The following GRAMD2B variants were observed in gnomAD, a reference collection of about 807,000 sequenced individuals.
GRAMD2B encodes the protein GRAM domain-containing protein 2B.
GRAMD2B carries 41 observed loss-of-function variants against 59.2 expected under a neutral mutation model. The observed-to-expected ratio is 0.69, with a 90% CI of 0.54 to 0.90. The LOEUF (loss-of-function observed/expected upper bound fraction) is 0.90. Among genes scored for constraint, GRAMD2B ranks in the 40% least tolerant of loss-of-function variants. The pLI is 0.00. For synonymous variants in GRAMD2B, 161 were observed against 182.7 expected, an observed-to-expected ratio of 0.88 and a Z score of 0.96; for missense variants, 424 against 500.5, an observed-to-expected ratio of 0.85 and a Z score of 1.46.
chr5:126,463,840 AAAACCC>A (rs1207524814), intron 1 of GRAMD2B, among the ~76,000 whole-genome samples: 3 of 152,018 alleles, frequency 2.0e-5, no homozygotes, highest in Admixed American at 6.6e-5. Flanking sequence ...CCAACATGGC[AAAACCC>A]CGTCTCTACT....
upstream of GRAMD2B, among the ~76,000 whole-genome samples, chr5:126,369,427 C>T (rs565269090): frequency 8.6e-5 from 13 of 151,864 alleles, no homozygotes; most frequent in South Asian, 2.1e-3. Context: ...ATGTTATATA[C>T]GAAATTATCT....
chr5:126,465,525 G>C lies in GRAMD2B; in HGVS notation c.183G>C (p.Gln61His). The change falls in exon 2 of 14, where the codon CAG (glutamine) becomes CAC (histidine). Residue 61 changes from glutamine (Q) to histidine (H), a missense_variant. Coordinates refer to ENST00000285689, the MANE Select transcript of GRAMD2B (RefSeq NM_023927.4). ...CTGTGGAGGCGGACTCCCCAGACCA[G>C]AAGAAAATCATTAGCCTATGGTAAG... ...TPSVEADSPD[Q>H]KKIISLWSKS... The C allele has an allele frequency of 6.2e-7, 1 of 1,613,618 alleles. No individual in the cohort carries two copies. Among genetic ancestry groups the C allele is most frequent in the Non-Finnish European group, 8.5e-7 (1 of 1,179,892 alleles).
At chr5:126,439,969 C>T (rs1218091891) in intron 1 of GRAMD2B, among the ~76,000 whole-genome samples, 5 of 152,082 alleles carry the variant, frequency 3.3e-5, no homozygotes, top group East Asian at 1.9e-4. Flanking sequence ...CACCTTCCAC[C>T]GTGATTGTGA....
At chr5:126,421,000 A>G (rs1759672010), upstream of GRAMD2B, among the ~76,000 whole-genome samples, 1 of 152,236 alleles carries the variant, frequency 6.6e-6, no homozygotes, top group African/African-American at 2.4e-5. Context: ...AAAATATTGT[A>G]TGATTCCACT....
intron 1 of GRAMD2B, among the ~76,000 whole-genome samples, chr5:126,375,057 C>T (rs1406538386): frequency 1.3e-5 from 2 of 152,094 alleles, no homozygotes; most frequent in African/African-American, 4.8e-5. Flanking sequence ...TATAGCTTTC[C>T]ATTTATTTAG....
intron 1 of GRAMD2B, among the ~76,000 whole-genome samples, chr5:126,374,025 G>A (rs1036488190): frequency 6.6e-6 from 1 of 152,218 alleles, no homozygotes; most frequent in Non-Finnish European, 1.5e-5. Flanking sequence ...TTGATTTCCA[G>A]TTGTCTGAGC....
chr5:126,483,631 C>G (rs1772298656), intron 9 of GRAMD2B, 57 bp downstream of exon 9: 1 of 820,108 alleles, frequency 1.2e-6, no homozygotes, highest in African/African-American at 1.8e-5. Flanking sequence ...ACATCCTCAC[C>G]CCACCCCCTT....
upstream of GRAMD2B, among the ~76,000 whole-genome samples, chr5:126,368,717 T>G (rs1054654484): frequency 6.6e-6 from 1 of 152,236 alleles, no homozygotes; most frequent in African/African-American, 2.4e-5. Context: ...TTGTGACCCC[T>G]GCTCTAGACT....
intron 1 of GRAMD2B, among the ~76,000 whole-genome samples, chr5:126,393,057 A>G (rs1756983858): frequency 6.6e-6 from 1 of 152,220 alleles, no homozygotes; most frequent in Non-Finnish European, 1.5e-5. Context: ...ACGCAAGAAA[A>G]TGGTTTAAGG....
intron 1 of GRAMD2B, among the ~76,000 whole-genome samples, chr5:126,450,268 T>C (rs1398079815): frequency 6.6e-6 from 1 of 152,138 alleles, no homozygotes; most frequent in Admixed American, 6.5e-5. Flanking sequence ...TTCTCTCTTC[T>C]AAGTCGGCTT....
In GRAMD2B at chr5:126,488,885, T is replaced by C. The variant is rs775510332; in HGVS notation, c.1250T>C (p.Leu417Ser). 6.2e-7 allele frequency: 1 copy of C among 1,612,468 alleles called. No individual in the cohort carries two copies. The highest frequency in any genetic ancestry group is 1.1e-5 in the South Asian group (1 of 91,036). The stretch of plus-strand genomic sequence containing the variant: ...GAGCTTACAGCTAACATAGTGAAAT[T>C]AGAAAAGGTGACCTATTTCTTTCCT... ...CQELTANIVK[L>S]EKIQNNLQKL... The change falls in exon 13 of 14, where the codon TTA becomes TCA. Residue 417 changes from leucine (L) to serine (S), a missense_variant. Transcript: ENST00000285689.
chr5:126,485,169 C>T (rs938840100), intron 10 of GRAMD2B, among the ~76,000 whole-genome samples: 2 of 151,928 alleles, frequency 1.3e-5, no homozygotes, highest in African/African-American at 2.4e-5. Context: ...GCCTGGGCAA[C>T]ATAGTGAGAC....
chr5:126,407,404 A>G (rs958054247), intron 1 of GRAMD2B, among the ~76,000 whole-genome samples: 3 of 152,042 alleles, frequency 2.0e-5, no homozygotes, highest in African/African-American at 7.2e-5. Flanking sequence ...GTAAGCCTCT[A>G]TTCCACCAGG....
intron 6 of GRAMD2B, among the ~76,000 whole-genome samples, chr5:126,478,552 G>A (rs1322678493): frequency 1.3e-5 from 2 of 152,114 alleles, no homozygotes; most frequent in Non-Finnish European, 2.9e-5. Context: ...ACTAACCTGC[G>A]CAACATGGTG....
rs1769176592 is a variant in GRAMD2B at position 126,469,673 on chromosome 5, T to G, written c.204-4T>G. On this transcript the variant is annotated splice_polypyrimidine_tract_variant and splice_region_variant and intron_variant, in intron 2 of 13. Transcript: ENST00000285689. ...TATAGACACCCTGGACTTTCTTTCT[T>G]TAGGTCAAAATCCAGTTTTGATGGT... The G allele has an allele frequency of 6.2e-7, 1 of 1,601,910 alleles. No homozygotes were observed. The highest frequency in any genetic ancestry group is 1.7e-5 in the Admixed American group (1 of 59,378).
intron 1 of GRAMD2B, among the ~76,000 whole-genome samples, chr5:126,437,259 G>C (rs1276100384): frequency 6.6e-6 from 1 of 152,160 alleles, no homozygotes; most frequent in African/African-American, 2.4e-5. Flanking sequence ...GGAGAGGGGA[G>C]AATGAGTTTG....
chr5:126,380,932 A>T (rs1755605397), intron 1 of GRAMD2B, among the ~76,000 whole-genome samples: 1 of 152,218 alleles, frequency 6.6e-6, no homozygotes, highest in East Asian at 1.9e-4. Flanking sequence ...GACTTTCAAT[A>T]CTATGTTGAA....
chr5:126,408,500 G>GT (rs145820337), intron 1 of GRAMD2B, among the ~76,000 whole-genome samples: 4,470 of 146,600 alleles, frequency 0.03, 96 homozygotes, highest in Admixed American at 0.059. Flanking sequence ...TGGTAGTTCT[G>GT]TTTTTTTTTT....
intron 1 of GRAMD2B, among the ~76,000 whole-genome samples, chr5:126,398,915 C>T (rs1189258267): frequency 6.6e-6 from 1 of 152,034 alleles, no homozygotes; most frequent in African/African-American, 2.4e-5. Flanking sequence ...TTACAGTTTT[C>T]TTGCTGTTAT....
Sources: gnomAD v4.1 joint callset for allele counts (sites outside exome capture counted in the v4.1 genomes callset) on GRCh38, gnomAD v4.1.1 for gene constraint, MANE v1.5 for transcripts, NCBI Gene and HGNC (gene_info 2026-07-23, HGNC 2026-07-21) for gene names.